DCHS2: variants seen among roughly 807,000 people sequenced by gnomAD.
The protein encoded by DCHS2 is dachsous cadherin-related 2.
Under a neutral mutation model 182.4 loss-of-function variants are expected in DCHS2, and 142 were observed. The observed-to-expected ratio is 0.78, with a 90% CI of 0.68 to 0.89. The LOEUF (loss-of-function observed/expected upper bound fraction) is 0.89. DCHS2 is among the 40% of genes least tolerant of loss of function. The pLI is 0.00. For synonymous variants in DCHS2, 1,740 were observed against 1,663.3 expected (o/e 1.05, Z -1.12); for missense variants, 4,319 against 4,198.6 (o/e 1.03, Z -0.79).
At position 154,489,889 on chromosome 4, in the gene DCHS2, A is replaced by G; in HGVS notation, c.1467T>C (p.Phe489=). 6.5e-7 allele frequency: 1 copy of G among 1,542,056 alleles called. No individual in the cohort carries two copies. Among genetic ancestry groups the G allele is most frequent in the South Asian group, 1.2e-5 (1 of 83,386 alleles). ...CCAGGGGCCCCTCCACGCAAAGGAAAAATACCCCTGGGGGGCCGCCGGGTA... is the reference window on the plus strand; with the variant it reads ...CCAGGGGCCCCTCCACGCAAAGGAAGAATACCCCTGGGGGGCCGCCGGGTA... ...ALLPGGPPGV[F]FLCVEGPLDR... The change falls in exon 1 of 20, where the codon TTT becomes TTC. Residue 489 remains phenylalanine, a synonymous_variant. Coordinates refer to ENST00000357232, the MANE Select transcript of DCHS2 (RefSeq NM_001358235.2).
At chr4:154,466,949 T>C (rs1030770969) in intron 1 of DCHS2, among the ~76,000 whole-genome samples, 2 of 152,134 alleles carry the variant, frequency 1.3e-5, no homozygotes, top group African/African-American at 4.8e-5. Flanking sequence ...CCAAGAGAGC[T>C]CTCTTTCCCA....
intron 1 of DCHS2, among the ~76,000 whole-genome samples, chr4:154,469,326 G>C (rs1404267108): frequency 2.6e-5 from 4 of 151,976 alleles, no homozygotes; most frequent in African/African-American, 7.3e-5. Context: ...CAATACAACA[G>C]TGTACAATAA....
At chr4:154,452,407 T>C (rs554186818) in intron 1 of DCHS2, among the ~76,000 whole-genome samples, 1 of 152,174 alleles carries the variant, frequency 6.6e-6, no homozygotes, top group South Asian at 2.1e-4. Flanking sequence ...GTGGATCGCC[T>C]GGGGTCAGGA....
chr4:154,343,328 A>C (rs1196532017), intron 3 of DCHS2: 2 of 724,418 alleles, frequency 2.8e-6, no homozygotes, highest in South Asian at 5.6e-5. Flanking sequence ...TTAGCCCCTA[A>C]CAAGAGAGTC....
rs1190108738 is a variant in DCHS2 at position 154,490,069 on chromosome 4, G to T, written c.1287C>A (p.Gly429=). The T allele has an allele frequency of 1.9e-6, 3 of 1,549,246 alleles. No individual in the cohort carries two copies. Among genetic ancestry groups the T allele is most frequent in the East Asian group, 2.4e-5 (1 of 40,826 alleles). ...GAGCCACGTAGTCGCCCGGTCGGGCGCCTTCAGAGACACGGGCGACGCCTC... is the reference window on the plus strand; with the variant it reads ...GAGCCACGTAGTCGCCCGGTCGGGCTCCTTCAGAGACACGGGCGACGCCTC... ...TEGGVARVSE[G]ARPGDYVARV... Residue 429 remains glycine, a synonymous_variant, in exon 1 of 20, where the codon GGC becomes GGA. Transcript: ENST00000357232.
intron 1 of DCHS2, among the ~76,000 whole-genome samples, chr4:154,403,487 T>C (rs1251771909): frequency 2.0e-5 from 3 of 152,232 alleles, no homozygotes; most frequent in Non-Finnish European, 4.4e-5. Flanking sequence ...CTTATATTCC[T>C]GGGATAAACT....
At chr4:154,485,898 C>T (rs146543253) in intron 1 of DCHS2, among the ~76,000 whole-genome samples, 330 of 152,202 alleles carry the variant, frequency 2.2e-3, no homozygotes, top group Middle Eastern at 0.01. Flanking sequence ...GAGCTCTTGT[C>T]TAGAGGTTGA....
At chr4:154,319,761 A>G (rs1026761615) in intron 9 of DCHS2, among the ~76,000 whole-genome samples, 4 of 151,988 alleles carry the variant, frequency 2.6e-5, no homozygotes, top group East Asian at 1.9e-4. Flanking sequence ...TACAGCCACT[A>G]TGGAAAATAG....
chr4:154,307,383 C>T (rs991032182), intron 10 of DCHS2, among the ~76,000 whole-genome samples: 3 of 151,866 alleles, frequency 2.0e-5, no homozygotes, highest in Non-Finnish European at 2.9e-5. Context: ...GTATATATGC[C>T]CATACCTATG....
chr4:154,454,958 C>T (rs1734703832), intron 1 of DCHS2, among the ~76,000 whole-genome samples: 1 of 152,172 alleles, frequency 6.6e-6, no homozygotes, highest in South Asian at 2.1e-4. Context: ...TATTCCTTGT[C>T]AAAATGTGTG....
In DCHS2 at chr4:154,473,825, C is replaced by T. The variant is rs185084830; in HGVS notation, c.2052+15479G>A. Among the ~76,000 whole-genome samples the T allele has an allele frequency of 3.9e-5, 6 of 152,192 alleles. No individual in the cohort carries two copies. The East Asian group carries it at 9.7e-4, about 25-fold the overall frequency. Reference sequence around the variant, plus strand: ...TCCAGAATCCTGGAGGAGCAGTTCCCGGATGGAATAAACAAACATTTAGGA... The same window carrying T: ...TCCAGAATCCTGGAGGAGCAGTTCCTGGATGGAATAAACAAACATTTAGGA... On this transcript the variant is annotated intron_variant, in intron 1 of 19. Coordinates refer to ENST00000357232, the MANE Select transcript of DCHS2 (RefSeq NM_001358235.2).
chr4:154,456,264 G>C (rs1734761573), intron 1 of DCHS2, among the ~76,000 whole-genome samples: 1 of 152,100 alleles, frequency 6.6e-6, no homozygotes, highest in Non-Finnish European at 1.5e-5. Flanking sequence ...TCTCTCAGGG[G>C]CTGTGAGATT....
In DCHS2 at chr4:154,333,035, T is replaced by C. The variant is rs764029150; in HGVS notation, c.3173A>G (p.Gln1058Arg). 5.6e-6 allele frequency: 9 copies of C among 1,614,164 alleles called. No individual in the cohort carries two copies. Among genetic ancestry groups the C allele is most frequent in the South Asian group, 1.1e-5 (1 of 91,088 alleles). ...ELTLTLRAED[Q>R]GVHPQAALLV... ...CAGGGCTGCCTGAGGATGCACGCCT[T>C]GGTCCTCGGCCCTGAGAGTCAGCGT... The change falls in exon 5 of 20, where the codon CAA becomes CGA. Residue 1058 changes from glutamine to arginine, a missense_variant. Transcript: ENST00000357232.
At chr4:154,347,676 A>C (rs1387807505) in intron 3 of DCHS2, among the ~76,000 whole-genome samples, 1 of 151,906 alleles carries the variant, frequency 6.6e-6, no homozygotes, top group Non-Finnish European at 1.5e-5. Context: ...CCATGCACCA[A>C]GAAATAATCA....
intron 3 of DCHS2, among the ~76,000 whole-genome samples, chr4:154,357,567 T>A (rs1382003699): frequency 1.3e-5 from 2 of 152,170 alleles, no homozygotes; most frequent in Non-Finnish European, 2.9e-5. Context: ...TCACACAAAA[T>A]CCCCAGCAAG....
At position 154,236,379 on chromosome 4, in the gene DCHS2, C is replaced by A. The variant is rs6824133; in HGVS notation, c.8273G>T (p.Ser2758Ile). The change falls in exon 20 of 20, where the codon AGT becomes ATT. Residue 2758 changes from serine to isoleucine, a missense_variant. Physicochemically the swap from Ser to Ile is moderately radical, Grantham distance 142 (BLOSUM62 -2). Coordinates refer to ENST00000357232, the MANE Select transcript of DCHS2 (RefSeq NM_001358235.2). The stretch of plus-strand genomic sequence containing the variant: ...TGCATGGTCGTTATCATCCAGGACA[C>A]TGACAAACACAACTGCAAAAGAAAA... ...KHFSFAVVFV[S>I]VLDDNDHAPQ... is the part of the protein sequence containing the mutation. 6.2e-7 allele frequency: 1 copy of A among 1,614,014 alleles called. No homozygotes were observed.
intron 13 of DCHS2, 131 bp downstream of exon 13, chr4:154,297,720 A>T: frequency 7.1e-7 from 1 of 1,401,532 alleles, no homozygotes; most frequent in Non-Finnish European, 9.5e-7. Context: ...GTTTATTCCA[A>T]TATCAAGAAC....
At chr4:154,319,823 T>C (rs1735989143) in intron 9 of DCHS2, among the ~76,000 whole-genome samples, 1 of 152,118 alleles carries the variant, frequency 6.6e-6, no homozygotes. Context: ...GCCCAGCAAC[T>C]CCACTTTTGG....
intron 1 of DCHS2, among the ~76,000 whole-genome samples, chr4:154,450,436 A>C (rs147139860): frequency 6.6e-6 from 1 of 152,170 alleles, no homozygotes; most frequent in African/African-American, 2.4e-5. Flanking sequence ...TTCTGCACTT[A>C]CTCAGTGCTG....
Sources: gnomAD v4.1 joint callset for allele counts (sites outside exome capture counted in the v4.1 genomes callset) on GRCh38, gnomAD v4.1.1 for gene constraint, MANE v1.5 for transcripts, NCBI Gene and HGNC (gene_info 2026-07-23, HGNC 2026-07-21) for gene names.